Variants in LARGE1 observed in about 807,000 individuals in gnomAD.
The protein encoded by LARGE1 is LARGE xylosyl- and glucuronyltransferase 1, also known as xylosyl- and glucuronyltransferase LARGE1.
LARGE1 carries 43 observed loss-of-function variants against 87.6 expected under a neutral mutation model. The observed-to-expected ratio is 0.49, with a 90% CI of 0.38 to 0.63. The LOEUF is 0.63. LARGE1 is among the 30% of genes least tolerant of loss of function. LARGE1 has a pLI of 0.00. For missense variants in LARGE1, 802 were observed against 1,000.2 expected (o/e 0.80, Z 2.67); for synonymous variants, 434 against 394.6 (o/e 1.10, Z -1.18).
chr22:33,204,854 A>T (rs559571668), intron 11 of LARGE1, among the ~76,000 whole-genome samples: 2 of 152,048 alleles, frequency 1.3e-5, no homozygotes, highest in Non-Finnish European at 2.9e-5. Flanking sequence ...TGTTGAAAGT[A>T]TCTTAACCTG....
intron 4 of LARGE1, among the ~76,000 whole-genome samples, chr22:33,610,227 TAA>T (rs916575428): frequency 6.6e-6 from 1 of 152,160 alleles, no homozygotes; most frequent in Non-Finnish European, 1.5e-5. Flanking sequence ...ATACAGGGGC[TAA>T]GAGTTTGGAG....
At chr22:33,719,531 ATTTT>A (rs1556011065) in intron 2 of LARGE1, among the ~76,000 whole-genome samples, 1 of 149,716 alleles carries the variant, frequency 6.7e-6, no homozygotes, top group African/African-American at 2.5e-5. Flanking sequence ...TTATTTATTT[ATTTT>A]TTTGAGACAG....
chr22:33,734,822 G>C (rs752409676), intron 2 of LARGE1, among the ~76,000 whole-genome samples: 1 of 152,016 alleles, frequency 6.6e-6, no homozygotes, highest in Non-Finnish European at 1.5e-5. Flanking sequence ...AGAGTAAGGG[G>C]TTCAGAGACA....
chr22:33,785,184 T>C (rs1466757443), intron 1 of LARGE1, among the ~76,000 whole-genome samples: 1 of 150,416 alleles, frequency 6.6e-6, no homozygotes. Flanking sequence ...CATATGTGTA[T>C]ATACATATAT....
the LARGE1 span, among the ~76,000 whole-genome samples, chr22:33,142,148 C>G: frequency 2.0e-5 from 3 of 152,212 alleles, no homozygotes; most frequent in African/African-American, 7.2e-5. Context: ...TGTGCTTAAA[C>G]AAAGATCAGG....
intron 2 of LARGE1, among the ~76,000 whole-genome samples, chr22:33,714,893 AT>A (rs143564122): frequency 0.016 from 2,419 of 152,320 alleles, 64 homozygotes; most frequent in African/African-American, 0.055. Context: ...CCCGCTTCAG[AT>A]TGTCCTCTGA....
chr22:33,476,195 C>A (rs1370106904), intron 6 of LARGE1, among the ~76,000 whole-genome samples: 1 of 152,240 alleles, frequency 6.6e-6, no homozygotes, highest in South Asian at 2.1e-4. Flanking sequence ...GTGGGACAGA[C>A]AGTCCTCCCT....
chr22:33,732,569 C>T (rs2083509178), intron 2 of LARGE1: 1 of 152,362 alleles, frequency 6.6e-6, no homozygotes, highest in Non-Finnish European at 1.5e-5. Flanking sequence ...CTCCAGGACG[C>T]TTGGTTGAGT....
intron 5 of LARGE1, among the ~76,000 whole-genome samples, chr22:33,596,419 A>C (rs1026223276): frequency 6.6e-6 from 1 of 152,226 alleles, no homozygotes; most frequent in Non-Finnish European, 1.5e-5. Context: ...CCAGAGGTAC[A>C]CTGCTGACCT....
chr22:33,219,058 T>C (rs1436344301), intron 11 of LARGE1, among the ~76,000 whole-genome samples: 1 of 151,866 alleles, frequency 6.6e-6, no homozygotes, highest in Non-Finnish European at 1.5e-5. Context: ...CTCTTGAATC[T>C]CTCTGACTAC....
intron 9 of LARGE1, among the ~76,000 whole-genome samples, chr22:33,351,659 T>C (rs768705838): frequency 1.1e-3 from 163 of 152,234 alleles, no homozygotes; most frequent in Non-Finnish European, 1.2e-3. Flanking sequence ...ACTACCCCCT[T>C]TGCGAGGAGA....
Position 33,589,063 on chromosome 22 carries a change from C to T in LARGE1, c.615+15372G>A, listed in dbSNP as rs577547624. Among the ~76,000 whole-genome samples the T allele has an allele frequency of 3.9e-5, 6 of 152,318 alleles. No homozygotes were observed. In the South Asian group the frequency reaches 1.2e-3, roughly 32 times the overall value. On this transcript the variant is annotated intron_variant, in intron 5 of 14. Transcript: ENST00000397394. ...CAAATCTGCTTCCAGGCAAACACAA[C>T]ATTACACCTCCAGGCTTTCATAAAT... is the stretch of plus-strand genomic sequence containing the variant.
the LARGE1 span, among the ~76,000 whole-genome samples, chr22:33,075,249 T>C: frequency 3.3e-5 from 5 of 152,244 alleles, no homozygotes; most frequent in East Asian, 9.7e-4. Context: ...TGTGATAGAG[T>C]TGGAATCAAG....
intron 6 of LARGE1, among the ~76,000 whole-genome samples, chr22:33,504,165 T>C (rs913834137): frequency 1.1e-4 from 16 of 152,322 alleles, no homozygotes; most frequent in Non-Finnish European, 2.2e-4. Flanking sequence ...AGGATTTCTT[T>C]AGGGAGAGTT....
At chr22:33,897,928 AT>A (rs1283433015) in intron 1 of LARGE1, among the ~76,000 whole-genome samples, 1 of 152,086 alleles carries the variant, frequency 6.6e-6, no homozygotes, top group East Asian at 1.9e-4. Flanking sequence ...CAAGGGCATA[AT>A]TTGTTTTATG....
chr22:33,248,792 T>G (rs1364592584), intron 11 of LARGE1, among the ~76,000 whole-genome samples: 3 of 152,220 alleles, frequency 2.0e-5, no homozygotes, highest in Admixed American at 1.3e-4. Context: ...GCCATATAGT[T>G]GGAATCATAC....
intron 4 of LARGE1, among the ~76,000 whole-genome samples, chr22:33,621,850 G>C (rs967848351): frequency 2.0e-5 from 3 of 152,140 alleles, no homozygotes; most frequent in African/African-American, 7.2e-5. Context: ...TATGGTAAAC[G>C]CACCTGACAG....
intron 6 of LARGE1, among the ~76,000 whole-genome samples, chr22:33,468,595 G>C (rs911920974): frequency 8.5e-5 from 13 of 152,234 alleles, no homozygotes; most frequent in African/African-American, 3.1e-4. Flanking sequence ...AACATTTATT[G>C]AATATTTCCT....
the LARGE1 span, among the ~76,000 whole-genome samples, chr22:33,106,567 T>C: frequency 0.85 from 128,694 of 151,948 alleles, 55,031 homozygotes; most frequent in East Asian, 1. Flanking sequence ...ACGATCTCGG[T>C]TCACTGCAAC....
Sources: gnomAD v4.1 joint callset for allele counts (sites outside exome capture counted in the v4.1 genomes callset) on GRCh38, gnomAD v4.1.1 for gene constraint, MANE v1.5 for transcripts, NCBI Gene and HGNC (gene_info 2026-07-23, HGNC 2026-07-21) for gene names.